The following APAF1 variants were observed in gnomAD, a reference collection of about 807,000 sequenced individuals.
APAF1 encodes apoptotic peptidase activating factor 1, also known as apoptotic protease-activating factor 1.
In APAF1, 91 loss-of-function variants were observed where a neutral mutation model predicts 152.4. The observed-to-expected ratio is 0.60, with a 90% CI of 0.50 to 0.71. APAF1 has a LOEUF of 0.71. APAF1 is among the 30% of genes least tolerant of loss of function. The pLI is 0.00. For missense variants in APAF1, 1,283 were observed against 1,472.0 expected (o/e 0.87, Z 2.10); for synonymous variants, 484 against 494.1 (o/e 0.98, Z 0.27).
chr12:98,733,087 C>G lies in APAF1; in HGVS notation c.*521C>G, dbSNP rs2097764580. 6.5e-6 allele frequency: 1 copy of G among 154,060 alleles called. No homozygotes were observed. Among genetic ancestry groups the G allele is most frequent in the Non-Finnish European group, 1.4e-5 (1 of 69,630 alleles). The allele number at this position is 154,060 out of a possible 1,614,324, so 9.5% of individuals were successfully genotyped here. On this transcript the variant is annotated 3_prime_UTR_variant, in exon 27 of 27. Transcript: ENST00000551964. Reference sequence around the variant, plus strand: ...TCTGTGTGCATAGTCTGCAGCATTTCCTTTAATTGACTCAATAAGTGAGTC... The same window carrying G: ...TCTGTGTGCATAGTCTGCAGCATTTGCTTTAATTGACTCAATAAGTGAGTC...
chr12:98,675,530 A>G (rs372221659), intron 12 of APAF1, among the ~76,000 whole-genome samples: 1 of 152,216 alleles, frequency 6.6e-6, no homozygotes, highest in East Asian at 1.9e-4. Context: ...GTAGATGGTT[A>G]TGTTTGTATT....
chr12:98,707,398 C>A (rs1008709794), intron 19 of APAF1, among the ~76,000 whole-genome samples: 2 of 152,138 alleles, frequency 1.3e-5, no homozygotes, highest in Non-Finnish European at 2.9e-5. Flanking sequence ...TTCTATAAGT[C>A]CCCTCAAGTC....
intron 10 of APAF1, among the ~76,000 whole-genome samples, chr12:98,670,268 T>G (rs566732602): frequency 1.1e-4 from 16 of 152,248 alleles, no homozygotes; most frequent in African/African-American, 3.6e-4. Context: ...TGTTACTCCT[T>G]TAGTCTTCAG....
Position 98,677,510 on chromosome 12 carries a change from G to A in APAF1, c.1879G>A (p.Gly627Ser), listed in dbSNP as rs1312856356. ...AVYHACFSED[G>S]QRIASCGADK... ...TTACCATGCCTGCTTTTCTGAGGATGGTCAGAGAATAGCTTCTTGTGGAGC... is the reference window on the plus strand; with the variant it reads ...TTACCATGCCTGCTTTTCTGAGGATAGTCAGAGAATAGCTTCTTGTGGAGC... The change falls in exon 13 of 27, where the codon GGT (glycine) becomes AGT (serine). Residue 627 changes from glycine to serine, a missense_variant. Gly to Ser is a moderately conservative substitution (Grantham distance 56). Transcript: ENST00000551964. The A allele has an allele frequency of 6.2e-7, 1 of 1,614,024 alleles. No individual in the cohort carries two copies. Among genetic ancestry groups the A allele is most frequent in the Non-Finnish European group, 8.5e-7 (1 of 1,180,028 alleles).
At chr12:98,690,727 A>G (rs1285413089) in intron 16 of APAF1, among the ~76,000 whole-genome samples, 1 of 152,096 alleles carries the variant, frequency 6.6e-6, no homozygotes, top group Non-Finnish European at 1.5e-5. Flanking sequence ...TTGCTTTTCC[A>G]CTAGTGCCTA....
intron 10 of APAF1, among the ~76,000 whole-genome samples, chr12:98,669,175 G>A (rs527514366): frequency 1.2e-4 from 19 of 152,070 alleles, no homozygotes; most frequent in African/African-American, 4.3e-4. Flanking sequence ...GAACATTTAG[G>A]TTTTCAGTTT....
In APAF1 at chr12:98,712,400, T is replaced by G; in HGVS notation, c.2923T>G (p.Tyr975Asp). 6.2e-7 allele frequency: 1 copy of G among 1,611,042 alleles called. No homozygotes were observed. Among genetic ancestry groups the G allele is most frequent in the Non-Finnish European group, 8.5e-7 (1 of 1,177,234 alleles). ...SCCCLSPHLQ[Y>D]IAFGDENGAI... ...CTGTTGCTTAAGTCCACATCTTCAG[T>G]ACATTGCATTTGGAGATGAAAATGG... is the stretch of plus-strand genomic sequence containing the variant. The change falls in exon 21 of 27, where the codon TAC (tyrosine) becomes GAC (aspartate). Residue 975 changes from tyrosine to aspartate, a missense_variant. Coordinates refer to ENST00000551964, the MANE Select transcript of APAF1 (RefSeq NM_181861.2).
In APAF1 at chr12:98,699,425, A is replaced by C; in HGVS notation, c.2322A>C (p.Ser774=). ...ATTCAAAGCTTTGGGATGCGACATC[A>C]GCAAATGAGAGGAAAAGCATTAATG... ...DGTLKLWDAT[S]ANERKSINVK... The change falls in exon 17 of 27, where the codon TCA becomes TCC. Residue 774 remains serine, a synonymous_variant. Coordinates refer to ENST00000551964, the MANE Select transcript of APAF1 (RefSeq NM_181861.2). 2 of 1,614,120 alleles carry C rather than the reference A, an allele frequency of 1.2e-6. No individual in the cohort carries two copies. The highest frequency in any genetic ancestry group is 1.7e-6 in the Non-Finnish European group (2 of 1,180,004).
At chr12:98,724,815 C>T (rs953225882) in intron 24 of APAF1, among the ~76,000 whole-genome samples, 1 of 152,146 alleles carries the variant, frequency 6.6e-6, no homozygotes, top group African/African-American at 2.4e-5. Flanking sequence ...TAGTTCTTAG[C>T]TCACAGCGCT....
chr12:98,689,474 CTG>C (rs796807068), intron 16 of APAF1, among the ~76,000 whole-genome samples: 22 of 133,248 alleles, frequency 1.7e-4, no homozygotes, highest in Non-Finnish European at 2.3e-4. Flanking sequence ...GTGTGTGTGT[CTG>C]TGTGTGTGTG....
At chr12:98,680,146 G>T in intron 13 of APAF1, 131 bp from the exon 14 acceptor site, 1 of 827,610 alleles carries the variant, frequency 1.2e-6, no homozygotes, top group South Asian at 1.8e-5. Context: ...CTGATTTTGG[G>T]AGTAGCTTTG....
In APAF1 at chr12:98,659,147, T is replaced by C. The variant is rs1349855304; in HGVS notation, c.527-13T>C. The C allele has an allele frequency of 6.2e-7, 1 of 1,613,868 alleles. No homozygotes were observed. Among genetic ancestry groups the C allele is most frequent in the African/African-American group, 1.3e-5 (1 of 74,932 alleles). ...TTGAAAGGCCTTAAGTTCATTATTC[T>C]TTCCCTCACTAGGTTGTTTCCCAGG... is the stretch of plus-strand genomic sequence containing the variant. On this transcript the variant is annotated splice_polypyrimidine_tract_variant and intron_variant, in intron 4 of 26. Transcript: ENST00000551964.
At chr12:98,662,308 G>GGAA in intron 5 of APAF1, 148 bp from the exon 6 acceptor site, 1 of 643,270 alleles carries the variant, frequency 1.6e-6, no homozygotes, top group East Asian at 2.8e-5. Flanking sequence ...ATAGCAAAGA[G>GGAA]GAAGAATCAT....
intron 17 of APAF1, among the ~76,000 whole-genome samples, chr12:98,702,654 G>A (rs1355598265): frequency 1.3e-5 from 2 of 151,382 alleles, no homozygotes; most frequent in East Asian, 2.0e-4. Context: ...GAGAAACCCC[G>A]TCTCTACTAA....
chr12:98,670,385 T>C (rs1013054132), intron 10 of APAF1, among the ~76,000 whole-genome samples: 2 of 152,234 alleles, frequency 1.3e-5, no homozygotes, highest in Non-Finnish European at 2.9e-5. Flanking sequence ...TCCCATCCTT[T>C]GTTTGCTTTT....
intron 15 of APAF1, among the ~76,000 whole-genome samples, chr12:98,684,447 C>G (rs1474617272): frequency 1.3e-5 from 2 of 150,336 alleles, no homozygotes; most frequent in Non-Finnish European, 3.0e-5. Context: ...TCTTGACCTT[C>G]CTTTCTCTCC....
intron 19 of APAF1, among the ~76,000 whole-genome samples, chr12:98,707,329 G>A (rs78749537): frequency 2.0e-5 from 3 of 152,052 alleles, no homozygotes; most frequent in Non-Finnish European, 4.4e-5. Context: ...TCCTTAAGTG[G>A]TTTCTTATAT....
chr12:98,723,588 A>T, intron 23 of APAF1, 51 bp from the exon 24 acceptor site: 2 of 1,497,030 alleles, frequency 1.3e-6, no homozygotes, highest in Admixed American at 3.6e-5. Context: ...TTTTTAATAT[A>T]AAATGTTCTT....
At chr12:98,697,635 C>T (rs373535568) in intron 16 of APAF1, among the ~76,000 whole-genome samples, 7 of 152,138 alleles carry the variant, frequency 4.6e-5, no homozygotes, top group Non-Finnish European at 8.8e-5. Flanking sequence ...CACTACTGCA[C>T]TCTTGGTGAG....
Sources: gnomAD v4.1 joint callset for allele counts (sites outside exome capture counted in the v4.1 genomes callset) on GRCh38, gnomAD v4.1.1 for gene constraint, MANE v1.5 for transcripts, NCBI Gene and HGNC (gene_info 2026-07-23, HGNC 2026-07-21) for gene names.